Variants in PDZRN4 observed in about 807,000 individuals in gnomAD.
PDZRN4 encodes the protein PDZ domain containing ring finger 4.
Under a neutral mutation model 99.0 loss-of-function variants are expected in PDZRN4, and 70 were observed. That is an observed-to-expected ratio of 0.71 (90% CI 0.58 to 0.86). PDZRN4 has a LOEUF of 0.86. Ranked by LOEUF, PDZRN4 falls within the 40% of genes least tolerant of loss-of-function variation. PDZRN4 has a pLI of 0.00. For missense variants in PDZRN4, 1,474 were observed against 1,331.2 expected, an observed-to-expected ratio of 1.11 and a Z score of -1.67; for synonymous variants, 551 against 501.6, an observed-to-expected ratio of 1.10 and a Z score of -1.32.
At chr12:41,541,438 C>T (rs1938852316) in intron 5 of PDZRN4, among the ~76,000 whole-genome samples, 1 of 143,628 alleles carries the variant, frequency 7.0e-6, no homozygotes, top group Non-Finnish European at 1.5e-5. Flanking sequence ...ATATTTATTA[C>T]TTCTTCTAGA....
chr12:41,233,114 C>G (rs138954363), intron 3 of PDZRN4, among the ~76,000 whole-genome samples: 1 of 151,980 alleles, frequency 6.6e-6, no homozygotes, highest in Non-Finnish European at 1.5e-5. Flanking sequence ...ACAACCCCAT[C>G]AAAGTGGGTG....
intron 3 of PDZRN4, among the ~76,000 whole-genome samples, chr12:41,466,248 A>G (rs549828956): frequency 6.6e-5 from 10 of 152,174 alleles, no homozygotes; most frequent in Non-Finnish European, 1.2e-4. Flanking sequence ...TTTAAGGGCT[A>G]TCACTCAGGG....
At chr12:41,545,987 C>T (rs937683278) in intron 5 of PDZRN4, among the ~76,000 whole-genome samples, 2 of 151,884 alleles carry the variant, frequency 1.3e-5, no homozygotes, top group Admixed American at 1.3e-4. Flanking sequence ...TAAGAGTGGG[C>T]GGTTTTTGTT....
At chr12:41,222,414 C>A (rs1485661985) in intron 3 of PDZRN4, among the ~76,000 whole-genome samples, 3 of 152,064 alleles carry the variant, frequency 2.0e-5, no homozygotes, top group South Asian at 2.1e-4. Flanking sequence ...CTGCTGTACT[C>A]GGTCACACAG....
intron 3 of PDZRN4, 129 bp from the exon 4 acceptor site, chr12:41,506,327 G>A: frequency 1.4e-6 from 1 of 733,558 alleles, no homozygotes; most frequent in Middle Eastern, 3.7e-4. Context: ...ATTAATATCT[G>A]ATTAAATATT....
chr12:41,312,074 G>C (rs1295415062), intron 3 of PDZRN4, among the ~76,000 whole-genome samples: 1 of 152,058 alleles, frequency 6.6e-6, no homozygotes, highest in Non-Finnish European at 1.5e-5. Flanking sequence ...GTCAGTGTTA[G>C]GGTTCTTTTT....
At chr12:41,471,388 C>T (rs1040998470) in intron 3 of PDZRN4, among the ~76,000 whole-genome samples, 2 of 151,962 alleles carry the variant, frequency 1.3e-5, no homozygotes, top group African/African-American at 2.4e-5. Context: ...TTTCTGTTGC[C>T]ACATTTGAAA....
At chr12:41,335,679 G>T (rs1951768141) in intron 3 of PDZRN4, among the ~76,000 whole-genome samples, 1 of 152,032 alleles carries the variant, frequency 6.6e-6, no homozygotes, top group Non-Finnish European at 1.5e-5. Context: ...ATATTACTTT[G>T]TGGACTTCTG....
chr12:41,524,609 CAG>C (rs1419013958), intron 5 of PDZRN4, among the ~76,000 whole-genome samples: 6 of 151,988 alleles, frequency 3.9e-5, no homozygotes, highest in East Asian at 3.9e-4. Context: ...TTATAGAAGA[CAG>C]GGGAGAATTA....
chr12:41,434,645 T>C (rs1012372092), intron 3 of PDZRN4, among the ~76,000 whole-genome samples: 1 of 152,218 alleles, frequency 6.6e-6, no homozygotes, highest in Non-Finnish European at 1.5e-5. Flanking sequence ...TTGACAAATG[T>C]GTCCTATTTT....
At chr12:41,309,386 A>C (rs1406464135) in intron 3 of PDZRN4, among the ~76,000 whole-genome samples, 1 of 152,104 alleles carries the variant, frequency 6.6e-6, no homozygotes, top group Non-Finnish European at 1.5e-5. Context: ...GAGGGAAAGA[A>C]AAAGAGACAG....
At chr12:41,482,404 CA>C (rs1937689000) in intron 3 of PDZRN4, among the ~76,000 whole-genome samples, 1 of 151,748 alleles carries the variant, frequency 6.6e-6, no homozygotes, top group African/African-American at 2.4e-5. Context: ...TTGGATTCTA[CA>C]ACAAGGAAAA....
intron 3 of PDZRN4, among the ~76,000 whole-genome samples, chr12:41,202,834 T>C (rs1950826365): frequency 6.6e-6 from 1 of 152,088 alleles, no homozygotes; most frequent in Non-Finnish European, 1.5e-5. Flanking sequence ...ATAAATATTT[T>C]TCATAATTTA....
chr12:41,228,670 C>A (rs1358999967), intron 3 of PDZRN4, among the ~76,000 whole-genome samples: 2 of 152,062 alleles, frequency 1.3e-5, no homozygotes, highest in African/African-American at 4.8e-5. Flanking sequence ...ATGAATCAGA[C>A]AATTGTAATA....
chr12:41,547,524 G>T (rs916622368), intron 5 of PDZRN4, among the ~76,000 whole-genome samples: 1 of 152,102 alleles, frequency 6.6e-6, no homozygotes, highest in African/African-American at 2.4e-5. Flanking sequence ...TACTAAGGAG[G>T]CTGAGACAGG....
At chr12:41,383,516 T>C (rs1391228522) in intron 3 of PDZRN4, among the ~76,000 whole-genome samples, 1 of 152,166 alleles carries the variant, frequency 6.6e-6, no homozygotes, top group African/African-American at 2.4e-5. Flanking sequence ...AAGATAAATG[T>C]TTCAAAGAAC....
chr12:41,566,233 C>T (rs886867336), intron 8 of PDZRN4, among the ~76,000 whole-genome samples: 7 of 152,134 alleles, frequency 4.6e-5, no homozygotes, highest in Admixed American at 2.0e-4. Context: ...TCATTTAATC[C>T]TCAAAGGACT....
intron 3 of PDZRN4, among the ~76,000 whole-genome samples, chr12:41,428,221 A>G (rs571395928): frequency 6.6e-6 from 1 of 152,352 alleles, no homozygotes; most frequent in Non-Finnish European, 1.5e-5. Flanking sequence ...TAAAGCAGAC[A>G]GGAAAGCACA....
At chr12:41,415,880 T>C (rs1459261181) in intron 3 of PDZRN4, among the ~76,000 whole-genome samples, 1 of 152,222 alleles carries the variant, frequency 6.6e-6, no homozygotes, top group African/African-American at 2.4e-5. Flanking sequence ...AGAATTATTC[T>C]AAGTTTTGTC....
Sources: gnomAD v4.1 joint callset for allele counts (sites outside exome capture counted in the v4.1 genomes callset) on GRCh38, gnomAD v4.1.1 for gene constraint, MANE v1.5 for transcripts, NCBI Gene and HGNC (gene_info 2026-07-23, HGNC 2026-07-21) for gene names.